Variants in RGL1 observed in about 807,000 individuals in gnomAD.
RGL1 encodes ral guanine nucleotide dissociation stimulator-like 1.
Under a neutral mutation model 95.2 loss-of-function variants are expected in RGL1, and 24 were observed. The ratio of observed to expected loss-of-function variants is 0.25; its 90% confidence interval spans 0.18 to 0.35. The LOEUF (loss-of-function observed/expected upper bound fraction) is 0.35, where lower values mean the gene tolerates loss of function less well. RGL1 is among the 10% of genes least tolerant of loss of function. The pLI is 1.00. For synonymous variants in RGL1, 329 were observed against 344.9 expected, an observed-to-expected ratio of 0.95 and a Z score of 0.51; for missense variants, 715 against 936.3, an observed-to-expected ratio of 0.76 and a Z score of 3.08.
At chr1:183,899,810 A>T (rs753300694) in intron 10 of RGL1, among the ~76,000 whole-genome samples, 1 of 152,194 alleles carries the variant, frequency 6.6e-6, no homozygotes, top group African/African-American at 2.4e-5. Context: ...ATCCAGTGCC[A>T]TCCCCAACTA....
At chr1:183,692,180 C>T (rs890123475) in intron 1 of RGL1, among the ~76,000 whole-genome samples, 2 of 152,084 alleles carry the variant, frequency 1.3e-5, no homozygotes. Context: ...GTATTGCAAG[C>T]TGAGGAATGT....
At chr1:183,738,525 A>G (rs1479011779) in intron 1 of RGL1, among the ~76,000 whole-genome samples, 1 of 152,242 alleles carries the variant, frequency 6.6e-6, no homozygotes, top group East Asian at 1.9e-4. Flanking sequence ...TTTAATTTTA[A>G]CAAAAAAATG....
chr1:183,874,133 T>G (rs1011382830), intron 4 of RGL1, among the ~76,000 whole-genome samples: 3 of 152,200 alleles, frequency 2.0e-5, no homozygotes, highest in African/African-American at 7.2e-5. Context: ...ATGGTCCCTG[T>G]GTTAAGTACT....
chr1:183,688,077 G>A (rs949264440), intron 1 of RGL1, among the ~76,000 whole-genome samples: 3 of 152,108 alleles, frequency 2.0e-5, no homozygotes, highest in Admixed American at 2.0e-4. Context: ...GGTGGTTTAG[G>A]ATGATCACAT....
intron 2 of RGL1, among the ~76,000 whole-genome samples, chr1:183,766,734 A>G (rs1658986093): frequency 6.6e-6 from 1 of 152,164 alleles, no homozygotes; most frequent in Non-Finnish European, 1.5e-5. Context: ...TAATGATCCT[A>G]TAGATCATTA....
Position 183,847,543 on chromosome 1 carries a change from G to A in RGL1, c.139-23G>A, listed in dbSNP as rs756358840. 3.4e-5 allele frequency: 54 copies of A among 1,595,498 alleles called. 1 individual carries two copies. The South Asian group carries it at 3.7e-4, about 11-fold the overall frequency. On this transcript the variant is annotated intron_variant, in intron 2 of 17. Coordinates refer to ENST00000360851, the MANE Select transcript of RGL1 (RefSeq NM_001297671.3). ...CTTTAGGGAGTCATTTCTCCTTATGGTAATTGTTAATTTATTATACAGGTT... is the reference window on the plus strand; with the variant it reads ...CTTTAGGGAGTCATTTCTCCTTATGATAATTGTTAATTTATTATACAGGTT...
At chr1:183,741,441 T>C (rs1053487871) in intron 1 of RGL1, among the ~76,000 whole-genome samples, 3 of 152,166 alleles carry the variant, frequency 2.0e-5, no homozygotes, top group Non-Finnish European at 2.9e-5. Context: ...TTTTAAATAA[T>C]ATCTTACAGT....
chr1:183,871,816 A>G (rs1013247857), intron 4 of RGL1, among the ~76,000 whole-genome samples: 2 of 152,236 alleles, frequency 1.3e-5, no homozygotes, highest in Non-Finnish European at 2.9e-5. Flanking sequence ...CATGCGGAGT[A>G]CTTGTAATTC....
intron 1 of RGL1, among the ~76,000 whole-genome samples, chr1:183,668,291 A>G (rs1042760346): frequency 8.5e-5 from 13 of 152,100 alleles, no homozygotes; most frequent in African/African-American, 2.9e-4. Flanking sequence ...TTTCTCTTTC[A>G]CTTCTGAACG....
intron 1 of RGL1, among the ~76,000 whole-genome samples, chr1:183,638,545 G>A (rs1393595524): frequency 6.6e-6 from 1 of 152,096 alleles, no homozygotes; most frequent in Non-Finnish European, 1.5e-5. Flanking sequence ...AGAAATTTTT[G>A]TGTGTATGTG....
chr1:183,844,038 CTGT>C (rs149844019), intron 2 of RGL1, among the ~76,000 whole-genome samples: 20,124 of 152,100 alleles, frequency 0.13, 1,750 homozygotes, highest in Middle Eastern at 0.23. Flanking sequence ...GTTGGCCAGG[CTGT>C]TCTTGAACTC....
chr1:183,914,713 A>G (rs569488043), intron 15 of RGL1, among the ~76,000 whole-genome samples: 4 of 152,254 alleles, frequency 2.6e-5, no homozygotes, highest in Admixed American at 1.3e-4. Flanking sequence ...TAAATTCTCA[A>G]TAGGAATTTG....
chr1:183,883,954 T>C lies in RGL1; in HGVS notation c.735+44T>C, dbSNP rs56815220. On this transcript the variant is annotated intron_variant, in intron 6 of 17. Coordinates refer to ENST00000360851, the MANE Select transcript of RGL1 (RefSeq NM_001297671.3). ...ATCAGATGTACTTTCACTTAAAACA[T>C]AGGGGAGTGATGGCACTGGTGCCCC... 5,136 of 1,604,872 alleles carry C rather than the reference T, an allele frequency of 3.2e-3. 154 individuals are homozygous for C. In the African/African-American group the frequency reaches 0.062, roughly 19 times the overall value.
intron 2 of RGL1, among the ~76,000 whole-genome samples, chr1:183,822,804 G>A (rs566760902): frequency 6.6e-6 from 1 of 152,262 alleles, no homozygotes; most frequent in Non-Finnish European, 1.5e-5. Context: ...AGATTTGAGG[G>A]CTTCAAAGTC....
At chr1:183,675,855 G>A (rs1652794354) in intron 1 of RGL1, among the ~76,000 whole-genome samples, 1 of 152,144 alleles carries the variant, frequency 6.6e-6, no homozygotes, top group Admixed American at 6.5e-5. Context: ...CATTAAAAGA[G>A]AAGAAAAAGG....
At chr1:183,865,827 T>A (rs55661017) in intron 3 of RGL1, among the ~76,000 whole-genome samples, 169 bp from the exon 4 acceptor site, 3,550 of 152,348 alleles carry the variant, frequency 0.023, 145 homozygotes, top group African/African-American at 0.082. Flanking sequence ...GATATATCCA[T>A]TAAGTAACTA....
chr1:183,793,113 A>G (rs1660514851), intron 2 of RGL1, among the ~76,000 whole-genome samples: 1 of 152,194 alleles, frequency 6.6e-6, no homozygotes, highest in Non-Finnish European at 1.5e-5. Context: ...GGAACAGAAT[A>G]GAGAAATCAG....
intron 2 of RGL1, among the ~76,000 whole-genome samples, chr1:183,844,285 A>C (rs1426061939): frequency 6.6e-6 from 1 of 152,256 alleles, no homozygotes; most frequent in Non-Finnish European, 1.5e-5. Flanking sequence ...AAAAATTAAC[A>C]TTATATTTTA....
At chr1:183,742,723 TGAGAGAGAGAAAGA>T (rs1657388058) in intron 2 of RGL1, among the ~76,000 whole-genome samples, 1 of 151,508 alleles carries the variant, frequency 6.6e-6, no homozygotes, top group Non-Finnish European at 1.5e-5. Flanking sequence ...GGTGTGTGTG[TGAGAGAGAGAAAGA>T]GAGAGAGGGG....
Sources: allele counts gnomAD v4.1 joint callset (sites outside exome capture counted in the v4.1 genomes callset), GRCh38; gene constraint gnomAD v4.1.1; transcripts MANE v1.5; gene names NCBI Gene and HGNC (gene_info 2026-07-23, HGNC 2026-07-21).